The following TMEM132B variants were observed in gnomAD, a reference collection of about 807,000 sequenced individuals.
TMEM132B encodes transmembrane protein 132B.
A neutral mutation model predicts 90.8 loss-of-function variants in TMEM132B; 18 were observed. The ratio of observed to expected loss-of-function variants is 0.20; its 90% CI spans 0.14 to 0.29. TMEM132B has a LOEUF of 0.29. Among genes scored for constraint, TMEM132B ranks in the 10% least tolerant of loss-of-function variants. TMEM132B has a pLI of 1.00. For missense variants in TMEM132B, 1,096 were observed against 1,326.8 expected, an observed-to-expected ratio of 0.83 and a Z score of 2.70; for synonymous variants, 504 against 523.3, an observed-to-expected ratio of 0.96 and a Z score of 0.50.
In TMEM132B at chr12:125,476,460, A is replaced by T. The variant is rs374042710; in HGVS notation, c.1107-42979A>T. Among the ~76,000 whole-genome samples, 4 of 152,290 alleles carry T rather than the reference A, an allele frequency of 2.6e-5. No homozygotes were observed. In the East Asian group the frequency reaches 7.7e-4, roughly 29 times the overall value. On this transcript the variant is annotated intron_variant, in intron 3 of 8. Transcript: ENST00000682704. ...TTTTGATTTCATCCCTGTAGCAGGG[A>T]TCAGAACTTCATTCCTTTTAATGTC...
At chr12:125,325,632 G>GGT (rs1273767078) in intron 1 of TMEM132B, among the ~76,000 whole-genome samples, 2 of 150,396 alleles carry the variant, frequency 1.3e-5, no homozygotes, top group African/African-American at 4.9e-5. Flanking sequence ...ATGTTAAGAA[G>GGT]GTGTTCACCT....
At chr12:125,598,880 G>A (rs1358951302) in intron 5 of TMEM132B, among the ~76,000 whole-genome samples, 2 of 152,070 alleles carry the variant, frequency 1.3e-5, no homozygotes, top group African/African-American at 2.4e-5. Flanking sequence ...GGAAGGCTGG[G>A]GTCTTGGGGA....
Position 125,654,320 on chromosome 12 carries a change from G to C in TMEM132B, c.2862G>C (p.Gly954=). 1.9e-6 allele frequency: 3 copies of C among 1,613,024 alleles called. No individual in the cohort carries two copies. Among genetic ancestry groups the C allele is most frequent in the Non-Finnish European group, 2.5e-6 (3 of 1,180,038 alleles). Residue 954 remains glycine, a synonymous_variant, in exon 9 of 9, where the codon GGG becomes GGC. Coordinates refer to ENST00000682704, the MANE Select transcript of TMEM132B (RefSeq NM_001366854.1). The surrounding 1 kb of genome is among the most constrained non-coding windows in gnomAD (Gnocchi z 5.8). ...IPHSHDWVWL[G]NEVELLENPV... ...ATTCCCACGACTGGGTCTGGCTTGG[G>C]AATGAAGTGGAACTTTTGGAGAACC...
intron 3 of TMEM132B, among the ~76,000 whole-genome samples, chr12:125,431,616 C>T (rs962940586): frequency 2.0e-5 from 3 of 152,160 alleles, no homozygotes; most frequent in African/African-American, 7.2e-5. Context: ...GACTCTACTG[C>T]TCTGGGCAGG....
Position 125,285,815 on chromosome 12 carries a change from G to A in TMEM132B, c.68-63637G>A, listed in dbSNP as rs7302594. Reference sequence around the variant, plus strand: ...TCGCCAAGTGGCCAGGGGGCAAAGCGTTTCCCAGCAATTGAGCAGGGCCTG... The same window carrying A: ...TCGCCAAGTGGCCAGGGGGCAAAGCATTTCCCAGCAATTGAGCAGGGCCTG... On this transcript the variant is annotated intron_variant, in intron 1 of 8. Coordinates refer to ENST00000682704, the MANE Select transcript of TMEM132B (RefSeq NM_001366854.1). 5.3e-5 allele frequency among the ~76,000 whole-genome samples: 8 copies of A among 152,254 alleles called. No individual in the cohort carries two copies. In the South Asian group the frequency reaches 6.2e-4, roughly 12 times the overall value.
intron 3 of TMEM132B, among the ~76,000 whole-genome samples, chr12:125,430,530 C>T (rs941171466): frequency 2.0e-5 from 3 of 152,198 alleles, no homozygotes; most frequent in Non-Finnish European, 4.4e-5. Context: ...GGAAGAGCAT[C>T]TGCAAAGGCT....
chr12:125,651,665 C>A (rs984460264), intron 7 of TMEM132B, among the ~76,000 whole-genome samples: 1 of 152,196 alleles, frequency 6.6e-6, no homozygotes, highest in Non-Finnish European at 1.5e-5. Context: ...GCTAATATTT[C>A]TGCAGGTCAG....
intron 3 of TMEM132B, among the ~76,000 whole-genome samples, chr12:125,481,463 C>T (rs56224534): frequency 0.12 from 17,742 of 152,156 alleles, 1,098 homozygotes; most frequent in African/African-American, 0.15. Context: ...ACACCAGTAA[C>T]AGACAGAGAG....
chr12:125,329,743 GC>G (rs1566003598), intron 1 of TMEM132B, among the ~76,000 whole-genome samples: 1 of 152,154 alleles, frequency 6.6e-6, no homozygotes, highest in African/African-American at 2.4e-5. Context: ...TGTTCCCCCA[GC>G]CCCGGCCCCT....
intron 2 of TMEM132B, among the ~76,000 whole-genome samples, chr12:125,352,585 A>G (rs1268189819): frequency 6.6e-6 from 1 of 152,250 alleles, no homozygotes; most frequent in East Asian, 1.9e-4. Flanking sequence ...AAGATTAAAT[A>G]ATTTAATAAA....
rs886326562 is a variant in TMEM132B at position 125,415,325 on chromosome 12, C to T, written c.960-206C>T. On this transcript the variant is annotated intron_variant, in intron 2 of 8. Transcript: ENST00000682704. This position sits in a 1 kb window ranked among gnomAD's most constrained non-coding sequence, Gnocchi z 5.3. ...AATGCACATGGCAAAAGCTGGGGCT[C>T]CTACTTCCAGGCACTTGTAAAAATT... 6.6e-6 allele frequency among the ~76,000 whole-genome samples: 1 copy of T among 152,120 alleles called. No homozygotes were observed. Among genetic ancestry groups the T allele is most frequent in the Non-Finnish European group, 1.5e-5 (1 of 68,036 alleles).
chr12:125,649,440 G>A (rs1205831500), intron 6 of TMEM132B, among the ~76,000 whole-genome samples: 1 of 152,196 alleles, frequency 6.6e-6, no homozygotes. Flanking sequence ...GCCCTGCCTC[G>A]GGAGACAACC....
Position 125,650,959 on chromosome 12 carries a change from C to A in TMEM132B, c.1914+6C>A, listed in dbSNP as rs201307832. The A allele has an allele frequency of 6.2e-7, 1 of 1,611,646 alleles. No homozygotes were observed. Among genetic ancestry groups the A allele is most frequent in the Non-Finnish European group, 8.5e-7 (1 of 1,179,586 alleles). Reference sequence around the variant, plus strand: ...CGGGAATAACCACGGTGCAGGTACACGCCGCCATGCCTTGCCCAACAGCAG... The same window carrying A: ...CGGGAATAACCACGGTGCAGGTACAAGCCGCCATGCCTTGCCCAACAGCAG... On this transcript the variant is annotated splice_donor_region_variant and intron_variant, in intron 7 of 8. Coordinates refer to ENST00000682704, the MANE Select transcript of TMEM132B (RefSeq NM_001366854.1).
chr12:125,335,933 G>A (rs995002912), intron 1 of TMEM132B, among the ~76,000 whole-genome samples: 7 of 152,182 alleles, frequency 4.6e-5, no homozygotes, highest in Non-Finnish European at 1.0e-4. Flanking sequence ...GTGGCAGTGA[G>A]CCAAGATTGC....
chr12:125,190,673 TGATGGGGAAGG>T (rs1189210806), intron 1 of TMEM132B, among the ~76,000 whole-genome samples: 2 of 7,012 alleles, frequency 2.9e-4, no homozygotes, highest in Non-Finnish European at 2.6e-4. Flanking sequence ...GAAGGGGTGG[TGATGGGGAAGG>T]GGTGGTGATG....
intron 1 of TMEM132B, among the ~76,000 whole-genome samples, chr12:125,237,190 G>T (rs771212768): frequency 6.6e-6 from 1 of 152,190 alleles, no homozygotes; most frequent in Non-Finnish European, 1.5e-5. Context: ...GAGAGAGGTA[G>T]GTGTTCCAGG....
At position 125,427,997 on chromosome 12, in the gene TMEM132B, CTT is replaced by C. The variant is rs34770143; in HGVS notation, c.1106+12333_1106+12334del. Among the ~76,000 whole-genome samples the C allele has an allele frequency of 3.4e-3, 492 of 146,254 alleles. 2 individuals are homozygous for C. The highest frequency in any genetic ancestry group is 4.3e-3 in the African/African-American group (173 of 40,002). On this transcript the variant is annotated intron_variant, in intron 3 of 8. Transcript: ENST00000682704. Reference sequence around the variant, plus strand: ...GCCAAGTACATGCTAATGGAAAGTACTTTTTTTTTTTTTTCTGAGGAAGAAGG... The same window carrying C: ...GCCAAGTACATGCTAATGGAAAGTACTTTTTTTTTTTTCTGAGGAAGAAGG...
intron 1 of TMEM132B, among the ~76,000 whole-genome samples, chr12:125,211,641 C>A (rs2136066056): frequency 6.6e-6 from 1 of 152,352 alleles, no homozygotes; most frequent in East Asian, 1.9e-4. Flanking sequence ...AAATAGAAGG[C>A]AGCATGCACA....
chr12:125,624,597 A>T (rs1886185245), intron 5 of TMEM132B, among the ~76,000 whole-genome samples: 1 of 152,184 alleles, frequency 6.6e-6, no homozygotes, highest in Non-Finnish European at 1.5e-5. Context: ...TGTGATAATT[A>T]TTTGACTTTG....
Sources: allele counts gnomAD v4.1 joint callset (sites outside exome capture counted in the v4.1 genomes callset), GRCh38; gene constraint gnomAD v4.1.1; non-coding constraint Gnocchi (gnomAD v3.1); transcripts MANE v1.5; gene names NCBI Gene and HGNC (gene_info 2026-07-23, HGNC 2026-07-21).